Variants in STARD10 observed in about 807,000 individuals in gnomAD.
STARD10 encodes START domain-containing protein 10.
In STARD10, 24 loss-of-function variants were observed where a neutral mutation model predicts 36.0. That is an observed-to-expected ratio of 0.67 (90% CI 0.48 to 0.94). The LOEUF is 0.94. Ranked by LOEUF, STARD10 falls within the 40% of genes least tolerant of loss-of-function variation. The pLI, the probability that STARD10 is intolerant of heterozygous loss-of-function variation, is 0.00. For missense variants in STARD10, 335 were observed against 396.6 expected (o/e 0.84, Z 1.32); for synonymous variants, 156 against 161.9 (o/e 0.96, Z 0.28).
intron 2 of STARD10, among the ~76,000 whole-genome samples, chr11:72,760,262 T>G (rs1858698807): frequency 6.6e-6 from 1 of 152,066 alleles, no homozygotes; most frequent in South Asian, 2.1e-4. Context: ...GTTTTGCTCT[T>G]GTTGCCCAGG....
At chr11:72,765,844 C>T (rs967897166) in intron 2 of STARD10, among the ~76,000 whole-genome samples, 10 of 132,496 alleles carry the variant, frequency 7.5e-5, no homozygotes, top group South Asian at 4.9e-4. Flanking sequence ...AGCTGGGTGT[C>T]GTGGCGCACA....
rs527666894 is a variant in STARD10, at chr11:72,760,016, T to C, written c.208-635A>G. On this transcript the variant is annotated intron_variant, in intron 2 of 6. Coordinates refer to ENST00000334805, the MANE Select transcript of STARD10 (RefSeq NM_006645.3). Reference sequence around the variant, plus strand: ...ACCTCTGCCTCCCGGGTTCAAGTGATTCTCCTACCTCAGCCTCCAGAATAG... The same window carrying C: ...ACCTCTGCCTCCCGGGTTCAAGTGACTCTCCTACCTCAGCCTCCAGAATAG... 2.0e-5 allele frequency among the ~76,000 whole-genome samples: 3 copies of C among 151,878 alleles called. No homozygotes were observed. In the East Asian group the frequency reaches 5.8e-4, roughly 29 times the overall value.
At chr11:72,782,413 C>T (rs1239960653) in intron 1 of STARD10, 1 of 152,264 alleles carries the variant, frequency 6.6e-6, no homozygotes, top group Admixed American at 6.5e-5. Flanking sequence ...ACCCACAAGG[C>T]TCAAGGTTCA....
intron 2 of STARD10, among the ~76,000 whole-genome samples, chr11:72,760,220 C>CATTG (rs1858698251): frequency 3.4e-5 from 5 of 148,480 alleles, no homozygotes; most frequent in Admixed American, 6.7e-5. Context: ...TTCTTTTTTT[C>CATTG]ATTCATTCAT....
intron 5 of STARD10, among the ~76,000 whole-genome samples, chr11:72,756,126 C>T (rs375020228): frequency 2.9e-4 from 44 of 152,198 alleles, no homozygotes; most frequent in Middle Eastern, 6.8e-3. Flanking sequence ...ATGCCCCTGA[C>T]GCTCAGCCCC....
intron 2 of STARD10, among the ~76,000 whole-genome samples, chr11:72,764,439 C>T (rs1446446542): frequency 2.0e-5 from 3 of 152,256 alleles, no homozygotes; most frequent in African/African-American, 7.2e-5. Context: ...AGGCTAGTGG[C>T]AGACTCTTGT....
chr11:72,781,649 G>A lies in STARD10; in HGVS notation c.-113-355C>T, dbSNP rs1439008798. 1 of 149,216 alleles carries A rather than the reference G, an allele frequency of 6.7e-6. No individual in the cohort carries two copies. The highest frequency in any genetic ancestry group is 2.0e-4 in the East Asian group (1 of 5,088). The allele number at this position is 149,216 out of a possible 1,614,324, so 9.2% of individuals were successfully genotyped here. ...GGCGGGGCAGGAGGGGCGCCCTCCA[G>A]GCCGGGCTGCTCACCTTTGCCCGCC... On this transcript the variant is annotated intron_variant, in intron 1 of 6. Transcript: ENST00000334805. The surrounding 1 kb of genome is among the most constrained non-coding windows in gnomAD (Gnocchi z 4.7).
At chr11:72,789,310 G>A (rs1021705208) in intron 1 of STARD10, among the ~76,000 whole-genome samples, 8 of 152,184 alleles carry the variant, frequency 5.3e-5, no homozygotes, top group South Asian at 2.1e-4. Flanking sequence ...GCTTCCTTCC[G>A]CCAGGTCTGG....
chr11:72,792,208 C>A (rs1859154848), intron 1 of STARD10, among the ~76,000 whole-genome samples: 1 of 151,614 alleles, frequency 6.6e-6, no homozygotes, highest in Non-Finnish European at 1.5e-5. Context: ...CGCCACAACG[C>A]CCGGTTAATT....
intron 3 of STARD10, 189 bp downstream of exon 3, chr11:72,759,045 T>C (rs946642056): frequency 1.6e-6 from 1 of 638,856 alleles, no homozygotes; most frequent in Admixed American, 2.8e-5. Flanking sequence ...CATATGTATT[T>C]GTAAGTGTAT....
chr11:72,770,336 G>C (rs559971470), intron 2 of STARD10, among the ~76,000 whole-genome samples: 91 of 152,266 alleles, frequency 6.0e-4, no homozygotes, highest in African/African-American at 2.1e-3. Flanking sequence ...TCGTACCTCA[G>C]CCACCTGAGT....
rs767993634 is a variant in STARD10 at position 72,759,352 on chromosome 11, G to A, written c.237C>T (p.Ala79=). ...CGTGTAGGACGTCGTAGAGTGTCTC[G>A]GCTGGCACATCACAGCACTCCATCC... The part of the protein sequence containing the change: ...KCRMECCDVP[A]ETLYDVLHDI... The change falls in exon 3 of 7, where the codon GCC becomes GCT. Residue 79 remains alanine (A), a synonymous_variant. Coordinates refer to ENST00000334805, the MANE Select transcript of STARD10 (RefSeq NM_006645.3). The A allele has an allele frequency of 1.5e-5, 25 of 1,613,570 alleles. No homozygotes were observed. Among genetic ancestry groups the A allele is most frequent in the Middle Eastern group, 1.6e-4 (1 of 6,084 alleles).
chr11:72,781,009 G>T lies in STARD10; in HGVS notation c.173C>A (p.Ala58Asp). 1 of 1,614,176 alleles carries T rather than the reference G, an allele frequency of 6.2e-7. No homozygotes were observed. Among genetic ancestry groups the T allele is most frequent in the Non-Finnish European group, 8.5e-7 (1 of 1,180,016 alleles). The change falls in exon 2 of 7, where the codon GCT becomes GAT. Residue 58 changes from alanine to aspartate, a missense_variant. Physicochemically the swap from Ala to Asp is moderately radical, Grantham distance 126 (BLOSUM62 -2). Transcript: ENST00000334805. The surrounding 1 kb of genome is among the most constrained non-coding windows in gnomAD (Gnocchi z 4.7). ...GTGCAGCGTCCGATCCATCTCCACA[G>T]CCTGCACCCAGACAGACACCCCAGC... ...SRAGVSVWVQ[A>D]VEMDRTLHKI...
chr11:72,772,480 T>C (rs11235589), intron 2 of STARD10, among the ~76,000 whole-genome samples: 4,128 of 152,248 alleles, frequency 0.027, 190 homozygotes, highest in African/African-American at 0.095. Context: ...CCCGTTGGAT[T>C]CCACTCGGCC....
intron 2 of STARD10, among the ~76,000 whole-genome samples, chr11:72,771,803 G>T (rs888982953): frequency 2.0e-5 from 3 of 152,284 alleles, no homozygotes; most frequent in South Asian, 2.1e-4. Flanking sequence ...TCTATCCTGG[G>T]GGGGCGAGGG....
At chr11:72,774,935 CTG>C (rs900465893) in intron 2 of STARD10, among the ~76,000 whole-genome samples, 5 of 152,256 alleles carry the variant, frequency 3.3e-5, no homozygotes, top group African/African-American at 1.2e-4. Context: ...CGGCTGGAAA[CTG>C]AGCTGGGGCT....
In STARD10 at chr11:72,793,523, T is replaced by G. The variant is rs574256741; in HGVS notation, c.-762A>C. On this transcript the variant is annotated 5_prime_UTR_variant, in exon 1 of 7. Transcript: ENST00000334805. ...GAAATCTGCCTGACTTCCTCTAACC[T>G]GTTGTCCCATTTGTAAAAGGACTGT... 1 of 152,392 alleles carries G rather than the reference T, an allele frequency of 6.6e-6. No individual in the cohort carries two copies. Among genetic ancestry groups the G allele is most frequent in the East Asian group, 1.9e-4 (1 of 5,186 alleles). The allele number at this position is 152,392 out of a possible 1,614,324, so 9.4% of individuals were successfully genotyped here.
intron 2 of STARD10, among the ~76,000 whole-genome samples, chr11:72,761,120 G>T (rs1858710285): frequency 6.6e-6 from 1 of 152,006 alleles, no homozygotes; most frequent in Non-Finnish European, 1.5e-5. Context: ...AACCCATCAC[G>T]CCTTGGATAT....
At chr11:72,761,616 A>G (rs1224287054) in intron 2 of STARD10, among the ~76,000 whole-genome samples, 6 of 152,062 alleles carry the variant, frequency 3.9e-5, no homozygotes, top group Non-Finnish European at 8.8e-5. Context: ...GTAGTGGCAC[A>G]TAACTGTAAT....
Sources: gnomAD v4.1 joint callset for allele counts (sites outside exome capture counted in the v4.1 genomes callset) on GRCh38, gnomAD v4.1.1 for gene constraint, Gnocchi (gnomAD v3.1) non-coding constraint, MANE v1.5 for transcripts, NCBI Gene and HGNC (gene_info 2026-07-23, HGNC 2026-07-21) for gene names.